PTPRE: variants seen among roughly 807,000 people sequenced by gnomAD.
The protein encoded by PTPRE is receptor-type tyrosine-protein phosphatase epsilon.
In PTPRE, 51 loss-of-function variants were observed where a neutral mutation model predicts 102.0. That is an observed-to-expected ratio of 0.50 (90% CI 0.40 to 0.63). PTPRE has a LOEUF of 0.63. PTPRE is among the 30% of genes least tolerant of loss of function. The probability of loss-of-function intolerance (pLI) is 0.00; values close to 1 mark genes in which losing one functional copy is unlikely to be tolerated. For missense variants in PTPRE, 752 were observed against 915.1 expected (o/e 0.82, Z 2.30); for synonymous variants, 345 against 348.2 (o/e 0.99, Z 0.10).
At chr10:127,967,355 G>T (rs1850336272) in intron 1 of PTPRE, among the ~76,000 whole-genome samples, 1 of 152,128 alleles carries the variant, frequency 6.6e-6, no homozygotes, top group Non-Finnish European at 1.5e-5. Context: ...ACGTGTCATG[G>T]GAGGGACCCT....
intron 10 of PTPRE, among the ~76,000 whole-genome samples, chr10:128,065,691 G>A (rs1056550240): frequency 3.9e-5 from 6 of 152,170 alleles, no homozygotes; most frequent in Non-Finnish European, 7.4e-5. Flanking sequence ...GAAATGTCTG[G>A]GGGGAGCACC....
chr10:127,967,088 T>G lies in PTPRE; in HGVS notation c.-30-15186T>G, dbSNP rs150287316. On this transcript the variant is annotated intron_variant, in intron 1 of 20. Transcript: ENST00000254667. ...CTCTGCCATCCGGTAAGTCTCTCCA[T>G]GCTCATGGTCATTTGTCGCCCAGTG... 6.6e-5 allele frequency among the ~76,000 whole-genome samples: 10 copies of G among 152,336 alleles called. No homozygotes were observed. In the East Asian group the frequency reaches 1.7e-3, roughly 26 times the overall value.
chr10:127,909,579 A>G (rs969234909), intron 1 of PTPRE, among the ~76,000 whole-genome samples: 1 of 151,962 alleles, frequency 6.6e-6, no homozygotes, highest in Non-Finnish European at 1.5e-5. Flanking sequence ...CAAACTTGTG[A>G]TCTCCCCTCC....
At chr10:128,041,038 C>T (rs779123975) in intron 3 of PTPRE, 48 bp downstream of exon 3, 37 of 1,504,204 alleles carry the variant, frequency 2.5e-5, no homozygotes, top group Middle Eastern at 3.4e-4. Flanking sequence ...TCCTCCTAAG[C>T]TCCTGGGACC....
rs1199198749 is a variant in PTPRE, at chr10:128,049,682, G to T, written c.420+16G>T. On this transcript the variant is annotated intron_variant, in intron 6 of 20. Coordinates refer to ENST00000254667, the MANE Select transcript of PTPRE (RefSeq NM_006504.6). ...GGAGTTCAACGTGAGTGTGGGGAGGGCTCTCTGCTGGGTGCCCTGTGGTGG... is the reference window on the plus strand; with the variant it reads ...GGAGTTCAACGTGAGTGTGGGGAGGTCTCTCTGCTGGGTGCCCTGTGGTGG... The T allele has an allele frequency of 6.2e-7, 1 of 1,613,400 alleles. No individual in the cohort carries two copies. The highest frequency in any genetic ancestry group is 1.3e-5 in the African/African-American group (1 of 74,890).
intron 1 of PTPRE, among the ~76,000 whole-genome samples, chr10:127,950,752 G>T (rs972469111): frequency 6.6e-6 from 1 of 152,120 alleles, no homozygotes; most frequent in Non-Finnish European, 1.5e-5. Flanking sequence ...CAATCAAAAT[G>T]GTCTGACTCG....
intron 2 of PTPRE, among the ~76,000 whole-genome samples, chr10:128,012,374 T>C (rs1845092689): frequency 6.6e-6 from 1 of 152,188 alleles, no homozygotes; most frequent in South Asian, 2.1e-4. Flanking sequence ...AACTTCTCCT[T>C]GCCCTGCACC....
chr10:127,921,909 G>A (rs765902424), intron 1 of PTPRE, among the ~76,000 whole-genome samples: 27 of 152,202 alleles, frequency 1.8e-4, no homozygotes, highest in Non-Finnish European at 3.5e-4. Context: ...TCAGGGTGCC[G>A]GTGGAAGGCA....
intron 20 of PTPRE, among the ~76,000 whole-genome samples, chr10:128,080,745 C>T (rs1004253071): frequency 1.3e-5 from 2 of 152,222 alleles, no homozygotes; most frequent in Non-Finnish European, 1.5e-5. Context: ...TCTGTGCTCT[C>T]TTGCCTGGTA....
At chr10:128,042,276 G>A (rs965931349) in intron 3 of PTPRE, among the ~76,000 whole-genome samples, 31 of 152,202 alleles carry the variant, frequency 2.0e-4, no homozygotes, top group African/African-American at 6.5e-4. Context: ...GCGCAACAGT[G>A]GGGAAGAATC....
chr10:128,021,174 C>T (rs1006490850), intron 2 of PTPRE, among the ~76,000 whole-genome samples: 23 of 152,148 alleles, frequency 1.5e-4, no homozygotes, highest in Non-Finnish European at 2.6e-4. Context: ...GGACTACAGA[C>T]GCGAGCCACC....
intron 20 of PTPRE, among the ~76,000 whole-genome samples, chr10:128,082,207 T>TTTGAGACAGGGTCTCAC (rs1851782447): frequency 7.8e-6 from 1 of 129,016 alleles, no homozygotes; most frequent in African/African-American, 3.3e-5. Context: ...TTTTTTTTTT[T>TTTGAGACAGGGTCTCAC]TTTTTTTTTT....
In PTPRE at chr10:128,076,558, C is replaced by A. The variant is rs1397125943; in HGVS notation, c.1600-45C>A. ...GTTATAAACTCAAAATCGCCAGCAG[C>A]AAATTATTTATTACAAGACTTAAAT... On this transcript the variant is annotated intron_variant, in intron 17 of 20. Coordinates refer to ENST00000254667, the MANE Select transcript of PTPRE (RefSeq NM_006504.6). 3.9e-6 allele frequency: 6 copies of A among 1,537,766 alleles called. No individual in the cohort carries two copies. In the African/African-American group the frequency reaches 5.6e-5, roughly 14 times the overall value.
At chr10:127,948,931 G>A (rs185870143) in intron 1 of PTPRE, among the ~76,000 whole-genome samples, 2 of 152,336 alleles carry the variant, frequency 1.3e-5, no homozygotes, top group East Asian at 3.9e-4. Flanking sequence ...GATCTGCTGG[G>A]GACCCAGACA....
chr10:128,016,104 G>A (rs1375262864), intron 2 of PTPRE, among the ~76,000 whole-genome samples: 1 of 152,152 alleles, frequency 6.6e-6, no homozygotes, highest in Non-Finnish European at 1.5e-5. Context: ...AGAAGGAGGT[G>A]TCTAGGATAG....
chr10:127,942,787 G>C (rs1056516189), intron 1 of PTPRE, among the ~76,000 whole-genome samples: 1 of 152,216 alleles, frequency 6.6e-6, no homozygotes, highest in Non-Finnish European at 1.5e-5. Flanking sequence ...GTACTGGGGC[G>C]AGGTAGTGAT....
At chr10:127,987,422 C>T (rs1294847907) in intron 2 of PTPRE, 2 of 1,115,306 alleles carry the variant, frequency 1.8e-6, no homozygotes, top group East Asian at 5.9e-5. Flanking sequence ...AGGGGTCTTT[C>T]TTGTCTCTTT....
chr10:128,048,594 G>A (rs986610868), intron 5 of PTPRE, among the ~76,000 whole-genome samples: 3 of 152,180 alleles, frequency 2.0e-5, no homozygotes, highest in Admixed American at 6.5e-5. Context: ...CCCAGCGCTC[G>A]CGGGACCCGA....
chr10:127,931,939 A>T (rs1239365748), intron 1 of PTPRE, among the ~76,000 whole-genome samples: 1 of 152,220 alleles, frequency 6.6e-6, no homozygotes, highest in Non-Finnish European at 1.5e-5. Flanking sequence ...TATTTTTAAA[A>T]GACTTTTGTG....
Sources: allele counts gnomAD v4.1 joint callset (sites outside exome capture counted in the v4.1 genomes callset), GRCh38; gene constraint gnomAD v4.1.1; transcripts MANE v1.5; gene names NCBI Gene and HGNC (gene_info 2026-07-23, HGNC 2026-07-21).